Variants in FAT3 observed in about 807,000 individuals in gnomAD.
FAT3 encodes the protein FAT atypical cadherin 3, also known as protocadherin Fat 3.
A neutral mutation model predicts 310.2 loss-of-function variants in FAT3; 95 were observed. The ratio of observed to expected loss-of-function variants is 0.31; its 90% CI spans 0.26 to 0.36. The LOEUF is 0.36. Among genes scored for constraint, FAT3 ranks in the 10% least tolerant of loss-of-function variants. The probability of loss-of-function intolerance (pLI) is 1.00; values close to 1 mark genes in which losing one functional copy is unlikely to be tolerated. For synonymous variants in FAT3, 2,314 were observed against 2,192.9 expected (o/e 1.06, Z -1.54); for missense variants, 5,408 against 5,715.6 (o/e 0.95, Z 1.74).
At chr11:92,813,555 G>A (rs1027251545) in intron 13 of FAT3, among the ~76,000 whole-genome samples, 1 of 152,096 alleles carries the variant, frequency 6.6e-6, no homozygotes, top group Non-Finnish European at 1.5e-5. Flanking sequence ...CCCCTTTGGA[G>A]CCACACCCAC....
intron 3 of FAT3, among the ~76,000 whole-genome samples, chr11:92,694,132 T>G: frequency 6.6e-6 from 1 of 152,238 alleles, no homozygotes; most frequent in East Asian, 1.9e-4. Flanking sequence ...TACAGAATTA[T>G]GCAACCATCA....
chr11:92,808,933 T>A (rs536082563), intron 12 of FAT3, among the ~76,000 whole-genome samples: 263 of 152,024 alleles, frequency 1.7e-3, no homozygotes, highest in African/African-American at 6.0e-3. Context: ...CTCAAAAAAA[T>A]AAATAAATAA....
chr11:92,581,551 T>G (rs544773523), intron 3 of FAT3, among the ~76,000 whole-genome samples: 1 of 152,212 alleles, frequency 6.6e-6, no homozygotes, highest in African/African-American at 2.4e-5. Context: ...CCCCTTCTTA[T>G]GCACACATAG....
In FAT3 at chr11:92,806,448, C is replaced by T. The variant is rs1292241068; in HGVS notation, c.9180C>T (p.Ser3060=). 6.3e-7 allele frequency: 1 copy of T among 1,581,002 alleles called. No individual in the cohort carries two copies. Among genetic ancestry groups the T allele is most frequent in the South Asian group, 1.2e-5 (1 of 86,388 alleles). Residue 3060 remains serine, a synonymous_variant, in exon 12 of 28, where the codon TCC becomes TCT. Coordinates refer to ENST00000525166, the MANE Select transcript of FAT3 (RefSeq NM_001367949.2). ...GTGCAAAGGATGCTGATATTGGATC[C>T]AATGGATATATACGATACTCACTCT... The part of the protein sequence containing the change: ...KVSAKDADIG[S]NGYIRYSLYG...
chr11:92,827,652 C>T (rs1343798776), intron 13 of FAT3, among the ~76,000 whole-genome samples: 4 of 152,198 alleles, frequency 2.6e-5, no homozygotes, highest in African/African-American at 9.6e-5. Flanking sequence ...TTGAGAGGAA[C>T]ATGGACTCCA....
intron 3 of FAT3, among the ~76,000 whole-genome samples, chr11:92,679,265 G>C (rs1413029263): frequency 6.6e-6 from 1 of 151,772 alleles, no homozygotes; most frequent in Non-Finnish European, 1.5e-5. Context: ...ATGAGTACAA[G>C]TATTTTTTTT....
intron 1 of FAT3, among the ~76,000 whole-genome samples, chr11:92,334,218 A>G (rs1187094545): frequency 6.6e-6 from 1 of 152,014 alleles, no homozygotes; most frequent in Non-Finnish European, 1.5e-5. Context: ...TCTACTAAAA[A>G]TACGAAAATT....
chr11:92,280,465 A>G (rs962327052), intron 1 of FAT3, among the ~76,000 whole-genome samples: 1 of 152,180 alleles, frequency 6.6e-6, no homozygotes. Flanking sequence ...ACACATATGT[A>G]TTCCTTTTTG....
At chr11:92,529,461 G>T (rs1310768916) in intron 3 of FAT3, among the ~76,000 whole-genome samples, 1 of 152,204 alleles carries the variant, frequency 6.6e-6, no homozygotes, top group African/African-American at 2.4e-5. Flanking sequence ...GATATTAGAA[G>T]TAGCAAATAC....
intron 2 of FAT3, among the ~76,000 whole-genome samples, chr11:92,426,509 G>A (rs992152731): frequency 6.6e-6 from 1 of 152,134 alleles, no homozygotes; most frequent in Non-Finnish European, 1.5e-5. Context: ...ATGGTTTTAG[G>A]TCTTACTTTT....
intron 3 of FAT3, among the ~76,000 whole-genome samples, chr11:92,645,066 A>T (rs1405177171): frequency 6.6e-6 from 1 of 152,100 alleles, no homozygotes; most frequent in African/African-American, 2.4e-5. Flanking sequence ...CCTGCATTTT[A>T]TATACTTCAG....
intron 1 of FAT3, among the ~76,000 whole-genome samples, chr11:92,309,903 T>A (rs1947252337): frequency 6.6e-6 from 1 of 152,190 alleles, no homozygotes; most frequent in Non-Finnish European, 1.5e-5. Flanking sequence ...AATTGGCTCT[T>A]GAGGGAAGAT....
chr11:92,630,056 A>T (rs992400232), intron 3 of FAT3, among the ~76,000 whole-genome samples: 2 of 152,038 alleles, frequency 1.3e-5, no homozygotes, highest in Non-Finnish European at 2.9e-5. Flanking sequence ...TCTCATCTTA[A>T]TCACTCATCA....
chr11:92,333,066 T>C (rs945539729), intron 1 of FAT3, among the ~76,000 whole-genome samples: 1 of 152,134 alleles, frequency 6.6e-6, no homozygotes, highest in South Asian at 2.1e-4. Context: ...AATTGATGGC[T>C]CCAAGGTCAA....
At chr11:92,637,807 A>G (rs773461460) in intron 3 of FAT3, among the ~76,000 whole-genome samples, 12 of 152,346 alleles carry the variant, frequency 7.9e-5, no homozygotes, top group Admixed American at 4.6e-4. Context: ...TTCTGACTCT[A>G]TCATATTCTA....
intron 2 of FAT3, among the ~76,000 whole-genome samples, chr11:92,449,109 C>T (rs1296310519): frequency 6.6e-6 from 1 of 152,160 alleles, no homozygotes; most frequent in African/African-American, 2.4e-5. Context: ...ACAATATCCT[C>T]ATCCCTATTT....
intron 3 of FAT3, among the ~76,000 whole-genome samples, chr11:92,650,337 G>A (rs1460736639): frequency 6.6e-6 from 1 of 152,110 alleles, no homozygotes; most frequent in Non-Finnish European, 1.5e-5. Flanking sequence ...CCTGTATGCT[G>A]GGGATTCTTG....
At chr11:92,512,257 A>G (rs138586245) in intron 2 of FAT3, among the ~76,000 whole-genome samples, 21 of 152,134 alleles carry the variant, frequency 1.4e-4, no homozygotes, top group Admixed American at 3.3e-4. Context: ...AATCACAACA[A>G]ATTTAAAGAT....
Position 92,263,618 on chromosome 11 carries a change from A to AGTGTGT in FAT3, c.-18+38459_-18+38464dup, listed in dbSNP as rs555917659. Among the ~76,000 whole-genome samples the AGTGTGT allele has an allele frequency of 9.5e-3, 1,404 of 147,562 alleles. 29 individuals are homozygous for AGTGTGT. Among genetic ancestry groups the AGTGTGT allele is most frequent in the African/African-American group, 0.033 (1,319 of 39,680 alleles). On this transcript the variant is annotated intron_variant, in intron 1 of 27. Coordinates refer to ENST00000525166, the MANE Select transcript of FAT3 (RefSeq NM_001367949.2). The stretch of plus-strand genomic sequence containing the variant: ...GTGATAAATGTGGTATTTGAATATA[A>AGTGTGT]GTGTGTGTGTGTGTGTGTGTATATA...
Sources: allele counts gnomAD v4.1 joint callset (sites outside exome capture counted in the v4.1 genomes callset), GRCh38; gene constraint gnomAD v4.1.1; transcripts MANE v1.5; gene names NCBI Gene and HGNC (gene_info 2026-07-23, HGNC 2026-07-21).